TEX9: variants seen among roughly 807,000 people sequenced by gnomAD.
TEX9 encodes testis expressed 9, also known as testis-expressed protein 9.
Under a neutral mutation model 59.6 loss-of-function variants are expected in TEX9, and 74 were observed. The ratio of observed to expected loss-of-function variants is 1.24; its 90% CI spans 1.03 to 1.51. TEX9 has a LOEUF of 1.51. Among genes scored for constraint, TEX9 ranks in the 40% most tolerant of loss-of-function variants. TEX9 has a pLI of 0.00. For missense variants in TEX9, 522 were observed against 447.8 expected (o/e 1.17, Z -1.49); for synonymous variants, 186 against 152.2 (o/e 1.22, Z -1.64).
At chr15:56,454,547 G>C in the TEX9 span, among the ~76,000 whole-genome samples, 1 of 151,822 alleles carries the variant, frequency 6.6e-6, no homozygotes, top group African/African-American at 2.4e-5. Context: ...TGTCTCTTTG[G>C]AGATAATCAT....
intron 9 of TEX9, chr15:56,396,577 T>C (rs2142364815): frequency 6.6e-6 from 1 of 151,270 alleles, no homozygotes; most frequent in East Asian, 1.9e-4. Context: ...TGTTTTTTTT[T>C]TTTTTTTTTC....
At chr15:56,449,300 T>G (rs1212746505), downstream of TEX9, among the ~76,000 whole-genome samples, 3 of 144,774 alleles carry the variant, frequency 2.1e-5, no homozygotes, top group African/African-American at 8.4e-5. Flanking sequence ...TAAATTCCCT[T>G]TTATCCCTAG....
intron 3 of TEX9, among the ~76,000 whole-genome samples, chr15:56,378,847 C>G (rs2047583034): frequency 6.6e-6 from 1 of 152,022 alleles, no homozygotes; most frequent in African/African-American, 2.4e-5. Flanking sequence ...ACGTGACTCA[C>G]TTGAACCCAG....
chr15:56,260,393 G>A (rs1228636815), intron 1 of TEX9, among the ~76,000 whole-genome samples: 3 of 152,028 alleles, frequency 2.0e-5, no homozygotes, highest in Non-Finnish European at 4.4e-5. Context: ...ATATTAAAAA[G>A]TTCGCTTATA....
chr15:56,332,502 G>A (rs1401645138), intron 1 of TEX9, among the ~76,000 whole-genome samples: 2 of 151,562 alleles, frequency 1.3e-5, no homozygotes, highest in Middle Eastern at 3.4e-3. Flanking sequence ...ATAGCATTGG[G>A]AGATATACCT....
At chr15:56,438,138 A>G (rs569840856) in intron 12 of TEX9, among the ~76,000 whole-genome samples, 2 of 152,328 alleles carry the variant, frequency 1.3e-5, no homozygotes, top group African/African-American at 4.8e-5. Context: ...ATGGAACCAA[A>G]AAAGGGGCCA....
At chr15:56,343,572 G>C (rs563992486) in intron 1 of TEX9, among the ~76,000 whole-genome samples, 14 of 152,084 alleles carry the variant, frequency 9.2e-5, no homozygotes, top group African/African-American at 3.4e-4. Flanking sequence ...CTATGATCTT[G>C]TATTAACTAG....
intron 6 of TEX9, among the ~76,000 whole-genome samples, chr15:56,389,753 G>A (rs1383604065): frequency 6.6e-6 from 1 of 151,592 alleles, no homozygotes; most frequent in African/African-American, 2.4e-5. Flanking sequence ...TAGTTTTTGA[G>A]TATTTGACAA....
chr15:56,408,880 C>T (rs1005768563), intron 9 of TEX9: 1 of 152,280 alleles, frequency 6.6e-6, no homozygotes, highest in African/African-American at 2.4e-5. Context: ...GGCAGTACCA[C>T]AGTGGCCAGA....
intron 12 of TEX9, among the ~76,000 whole-genome samples, chr15:56,436,501 T>G (rs889698617): frequency 1.3e-5 from 2 of 151,530 alleles, no homozygotes; most frequent in South Asian, 2.1e-4. Flanking sequence ...ACAAGAAAAA[T>G]CAGGAAAGAT....
chr15:56,433,262 T>TG (rs1169384436), intron 12 of TEX9, among the ~76,000 whole-genome samples: 1 of 70,304 alleles, frequency 1.4e-5, no homozygotes, highest in Non-Finnish European at 2.9e-5. Flanking sequence ...TGTCGGGGGG[T>TG]GGGGGGGACA....
At chr15:56,452,025 A>G in the TEX9 span, among the ~76,000 whole-genome samples, 8 of 152,176 alleles carry the variant, frequency 5.3e-5, no homozygotes, top group Non-Finnish European at 8.8e-5. Flanking sequence ...TATGTTTACT[A>G]TAACTACTAA....
At chr15:56,320,631 C>A (rs1390680663) in intron 1 of TEX9, among the ~76,000 whole-genome samples, 1 of 152,158 alleles carries the variant, frequency 6.6e-6, no homozygotes, top group African/African-American at 2.4e-5. Context: ...CATTTAACTT[C>A]AGTTACCTAT....
chr15:56,353,780 C>T (rs184330334), intron 1 of TEX9, among the ~76,000 whole-genome samples: 334 of 152,274 alleles, frequency 2.2e-3, no homozygotes, highest in Middle Eastern at 6.8e-3. Context: ...TGCAACTATC[C>T]TTTGGCACCA....
intron 2 of TEX9, among the ~76,000 whole-genome samples, chr15:56,372,349 G>A (rs1004818094): frequency 2.6e-5 from 4 of 151,948 alleles, no homozygotes; most frequent in African/African-American, 7.3e-5. Context: ...TGGAGATGGT[G>A]TTTTGTGTTA....
intron 1 of TEX9, among the ~76,000 whole-genome samples, chr15:56,294,124 A>C (rs1365525726): frequency 6.6e-6 from 1 of 152,172 alleles, no homozygotes; most frequent in African/African-American, 2.4e-5. Context: ...GACTAGGACC[A>C]TCTGGGTAAA....
intron 2 of TEX9, among the ~76,000 whole-genome samples, chr15:56,366,283 C>T (rs1306960003): frequency 6.6e-6 from 1 of 152,176 alleles, no homozygotes; most frequent in African/African-American, 2.4e-5. Context: ...ACAGTAGTTT[C>T]CTGTTGCATT....
chr15:56,388,647 C>CA (rs1343302124), intron 5 of TEX9, 127 bp downstream of exon 5: 1 of 651,926 alleles, frequency 1.5e-6, no homozygotes, highest in African/African-American at 1.8e-5. Context: ...CCTTGATACT[C>CA]AGAGGGATGC....
upstream of TEX9, chr15:56,365,286 G>C (rs2046880626): frequency 5.7e-6 from 5 of 875,134 alleles, no homozygotes; most frequent in Non-Finnish European, 5.1e-6. Flanking sequence ...ACAGCGCCGA[G>C]TGCTGCGAGC....
Sources: allele counts gnomAD v4.1 joint callset (sites outside exome capture counted in the v4.1 genomes callset), GRCh38; gene constraint gnomAD v4.1.1; transcripts MANE v1.5; gene names NCBI Gene and HGNC (gene_info 2026-07-23, HGNC 2026-07-21).